KCNC2: variants seen among roughly 807,000 people sequenced by gnomAD.
KCNC2 encodes the protein voltage-gated potassium channel KCNC2.
A neutral mutation model predicts 44.5 loss-of-function variants in KCNC2; 21 were observed. That is an observed-to-expected ratio of 0.47 (90% CI 0.33 to 0.68). The LOEUF is 0.68. Among genes scored for constraint, KCNC2 ranks in the 30% least tolerant of loss-of-function variants. KCNC2 has a pLI of 0.01. For missense variants in KCNC2, 589 were observed against 826.2 expected (o/e 0.71, Z 3.52); for synonymous variants, 391 against 339.1 (o/e 1.15, Z -1.68).
chr12:75,120,481 C>A (rs948003366), intron 2 of KCNC2, among the ~76,000 whole-genome samples: 8 of 152,186 alleles, frequency 5.3e-5, no homozygotes, highest in African/African-American at 1.9e-4. Context: ...CCAGCCAGTT[C>A]TTTATACTGC....
chr12:75,073,637 T>C (rs1037695796), intron 2 of KCNC2, among the ~76,000 whole-genome samples: 1 of 152,206 alleles, frequency 6.6e-6, no homozygotes, highest in Non-Finnish European at 1.5e-5. Flanking sequence ...ATTATTCATA[T>C]AAACTATGTG....
intron 2 of KCNC2, among the ~76,000 whole-genome samples, chr12:75,158,480 C>T (rs1890905472): frequency 1.3e-5 from 2 of 151,930 alleles, no homozygotes; most frequent in Non-Finnish European, 2.9e-5. Context: ...TAACAGCCTA[C>T]ATTCTCTTGC....
At chr12:75,099,020 G>A (rs2137168794) in intron 2 of KCNC2, among the ~76,000 whole-genome samples, 1 of 152,110 alleles carries the variant, frequency 6.6e-6, no homozygotes, top group East Asian at 1.9e-4. Flanking sequence ...TGGCAAGTGA[G>A]CAAAAATATC....
At chr12:75,163,769 C>A (rs527811358) in intron 2 of KCNC2, among the ~76,000 whole-genome samples, 2 of 151,682 alleles carry the variant, frequency 1.3e-5, no homozygotes, top group East Asian at 3.9e-4. Flanking sequence ...AGAAGATTAG[C>A]GATTTTCTTG....
intron 2 of KCNC2, among the ~76,000 whole-genome samples, chr12:75,086,674 AAAAAAAAATATATAT>A (rs1184521332): frequency 0.083 from 7,044 of 85,178 alleles, 586 homozygotes; most frequent in African/African-American, 0.33. Flanking sequence ...AAAAAAAAAA[AAAAAAAAATATATAT>A]ATATATATAT....
intron 2 of KCNC2, among the ~76,000 whole-genome samples, chr12:75,079,545 T>C (rs959881109): frequency 6.6e-6 from 1 of 152,134 alleles, no homozygotes; most frequent in African/African-American, 2.4e-5. Flanking sequence ...TGTAAATACG[T>C]TTCATTGTGT....
intron 2 of KCNC2, among the ~76,000 whole-genome samples, chr12:75,075,067 C>G (rs1883797407): frequency 6.6e-6 from 1 of 152,004 alleles, no homozygotes; most frequent in Non-Finnish European, 1.5e-5. Flanking sequence ...GAATGTGAGT[C>G]TAGAAAAATT....
At chr12:75,132,950 T>C (rs1888958221) in intron 2 of KCNC2, among the ~76,000 whole-genome samples, 1 of 152,066 alleles carries the variant, frequency 6.6e-6, no homozygotes, top group South Asian at 2.1e-4. Context: ...ACCTCTCATC[T>C]TTACATTTAC....
chr12:75,095,555 AT>A (rs1885852976), intron 2 of KCNC2, among the ~76,000 whole-genome samples: 1 of 151,754 alleles, frequency 6.6e-6, no homozygotes, highest in Non-Finnish European at 1.5e-5. Flanking sequence ...CAGTTTAATG[AT>A]TTGGGTATAC....
chr12:75,048,841 C>T (rs868413241), intron 3 of KCNC2, among the ~76,000 whole-genome samples: 7 of 152,070 alleles, frequency 4.6e-5, no homozygotes, highest in South Asian at 2.1e-4. Context: ...AATTTTGAAG[C>T]GGCAAGATAT....
chr12:75,183,945 A>G (rs1334598556), intron 2 of KCNC2, among the ~76,000 whole-genome samples: 1 of 152,074 alleles, frequency 6.6e-6, no homozygotes, highest in Non-Finnish European at 1.5e-5. Context: ...TCAACTTTAT[A>G]TATTTCCCAA....
Position 75,189,554 on chromosome 12 carries a change from G to T in KCNC2, c.687+17743C>A, listed in dbSNP as rs138909463. On this transcript the variant is annotated intron_variant, in intron 2 of 4. Transcript: ENST00000549446. ...AAACACTTCTGTAAGTACCTACTGTGTACCAACCTGTGCTAGGCATCAGTA... is the reference window on the plus strand; with the variant it reads ...AAACACTTCTGTAAGTACCTACTGTTTACCAACCTGTGCTAGGCATCAGTA... 7.6e-4 allele frequency among the ~76,000 whole-genome samples: 116 copies of T among 152,296 alleles called. 1 individual carries two copies. The highest frequency in any genetic ancestry group is 2.6e-3 in the African/African-American group (106 of 41,552).
intron 2 of KCNC2, among the ~76,000 whole-genome samples, chr12:75,120,818 A>G (rs969481640): frequency 6.6e-6 from 1 of 152,126 alleles, no homozygotes; most frequent in Non-Finnish European, 1.5e-5. Flanking sequence ...ACTCTTGATT[A>G]TTAGCAGCTT....
intron 2 of KCNC2, among the ~76,000 whole-genome samples, chr12:75,139,586 A>G (rs1214404715): frequency 6.6e-6 from 1 of 152,194 alleles, no homozygotes; most frequent in Non-Finnish European, 1.5e-5. Context: ...ACCCTGACTC[A>G]GCCTTTCTCT....
intron 2 of KCNC2, among the ~76,000 whole-genome samples, chr12:75,160,042 G>C (rs1359120061): frequency 6.6e-6 from 1 of 151,834 alleles, no homozygotes; most frequent in Non-Finnish European, 1.5e-5. Flanking sequence ...GCTGAGTTGT[G>C]CCCTCACAAA....
At chr12:75,148,909 T>C (rs1169099841) in intron 2 of KCNC2, among the ~76,000 whole-genome samples, 1 of 151,946 alleles carries the variant, frequency 6.6e-6, no homozygotes, top group Admixed American at 6.6e-5. Flanking sequence ...AATGCAAACC[T>C]TTTTTAAAAT....
intron 2 of KCNC2, among the ~76,000 whole-genome samples, chr12:75,069,261 A>G (rs1056306869): frequency 1.3e-5 from 2 of 148,452 alleles, no homozygotes; most frequent in Non-Finnish European, 3.0e-5. Context: ...CAGCTTCCCA[A>G]GTAGCTGGGA....
At chr12:75,162,971 A>G (rs1371991214) in intron 2 of KCNC2, among the ~76,000 whole-genome samples, 2 of 151,670 alleles carry the variant, frequency 1.3e-5, no homozygotes, top group African/African-American at 2.4e-5. Context: ...GCCCCCACTA[A>G]GCAGACCTAT....
At chr12:75,111,627 C>T (rs17800763) in intron 2 of KCNC2, among the ~76,000 whole-genome samples, 30,500 of 151,642 alleles carry the variant, frequency 0.2, 3,536 homozygotes, top group Admixed American at 0.28. Context: ...TGAGTTTCTG[C>T]TGAAAATTGC....
Sources: allele counts gnomAD v4.1 joint callset (sites outside exome capture counted in the v4.1 genomes callset), GRCh38; gene constraint gnomAD v4.1.1; transcripts MANE v1.5; gene names NCBI Gene and HGNC (gene_info 2026-07-23, HGNC 2026-07-21).